The following MACF1 variants were observed in gnomAD, a reference collection of about 807,000 sequenced individuals.
MACF1 encodes the protein microtubule actin crosslinking factor 1.
Under a neutral mutation model 854.8 loss-of-function variants are expected in MACF1, and 193 were observed. The observed-to-expected ratio is 0.23, with a 90% confidence interval of 0.20 to 0.25. The LOEUF (loss-of-function observed/expected upper bound fraction) is 0.25, where lower values mean the gene tolerates loss of function less well. Ranked by LOEUF, MACF1 falls within the 10% of genes least tolerant of loss-of-function variation. The pLI is 1.00. For missense variants in MACF1, 7,722 were observed against 8,929.1 expected (o/e 0.86, Z 5.45); for synonymous variants, 3,185 against 3,226.7 (o/e 0.99, Z 0.44).
In MACF1 at chr1:39,435,743, C is replaced by G; in HGVS notation, c.17970C>G (p.Ala5990=). 1 of 1,614,082 alleles carries G rather than the reference C, an allele frequency of 6.2e-7. No homozygotes were observed. The highest frequency in any genetic ancestry group is 8.5e-7 in the Non-Finnish European group (1 of 1,179,974). The change falls in exon 70 of 101, where the codon GCC becomes GCG. Residue 5990 remains alanine (A), a synonymous_variant. Coordinates refer to ENST00000564288, the MANE Select transcript of MACF1 (RefSeq NM_001394062.1). Reference sequence around the variant, plus strand: ...AGCGAGCCCTGGCTCTGGATGAAGCCGTGTCCCAGTCCACACAGGTATGTG... The same window carrying G: ...AGCGAGCCCTGGCTCTGGATGAAGCGGTGTCCCAGTCCACACAGGTATGTG... The part of the protein sequence containing the change: ...VRQRALALDE[A]VSQSTQFHDK...
At position 39,479,931 on chromosome 1, in the gene MACF1, C is replaced by T. The variant is rs753479007; in HGVS notation, c.22092C>T (p.Ser7364=). The change falls in exon 98 of 101, where the codon TCC becomes TCT. Residue 7364 remains serine, a synonymous_variant. Coordinates refer to ENST00000564288, the MANE Select transcript of MACF1 (RefSeq NM_001394062.1). ...CCCGGGCAGCTTCCCCTACTCGTTC[C>T]AGCTCCAGTGCTAGTCAGAGTAACC... ...PSSRAASPTR[S]SSSASQSNHS... 1 of 1,614,204 alleles carries T rather than the reference C, an allele frequency of 6.2e-7. No individual in the cohort carries two copies. The highest frequency in any genetic ancestry group is 1.7e-5 in the Admixed American group (1 of 60,022).
At chr1:39,187,479 C>G (rs1197968296) in intron 2 of MACF1, among the ~76,000 whole-genome samples, 1 of 152,118 alleles carries the variant, frequency 6.6e-6, no homozygotes, top group Non-Finnish European at 1.5e-5. Flanking sequence ...CGGGGAAATT[C>G]CCTCACCTGT....
In MACF1 at chr1:39,451,227, G is replaced by C; in HGVS notation, c.20418+16G>C. On this transcript the variant is annotated intron_variant, in intron 85 of 100. Coordinates refer to ENST00000564288, the MANE Select transcript of MACF1 (RefSeq NM_001394062.1). ...TGCACACAAGGTAGGGGTGAGGTCT[G>C]GGCTACATTGGAGTGCAGTGGGTCT... is the stretch of plus-strand genomic sequence containing the variant. 3.7e-6 allele frequency: 6 copies of C among 1,610,232 alleles called. No homozygotes were observed. The highest frequency in any genetic ancestry group is 5.1e-6 in the Non-Finnish European group (6 of 1,178,162).
At chr1:39,338,778 G>A (rs1035196997) in intron 38 of MACF1, among the ~76,000 whole-genome samples, 4 of 152,172 alleles carry the variant, frequency 2.6e-5, no homozygotes, top group African/African-American at 9.7e-5. Flanking sequence ...GCCCAAGGGG[G>A]AAGACCTAAT....
chr1:39,484,580 C>G (rs1330726752), intron 99 of MACF1, 21 bp from the exon 100 acceptor site: 4 of 1,602,172 alleles, frequency 2.5e-6, no homozygotes, highest in Non-Finnish European at 3.4e-6. Flanking sequence ...AAAATGTGAC[C>G]TTTTTATTAT....
At chr1:39,256,446 A>AT (rs2148340375) in intron 5 of MACF1, among the ~76,000 whole-genome samples, 1 of 152,292 alleles carries the variant, frequency 6.6e-6, no homozygotes, top group South Asian at 2.1e-4. Flanking sequence ...GATGAATGTC[A>AT]TTGTAAGGGA....
chr1:39,277,568 T>C (rs913859287), intron 6 of MACF1, among the ~76,000 whole-genome samples: 1 of 152,216 alleles, frequency 6.6e-6, no homozygotes, highest in African/African-American at 2.4e-5. Flanking sequence ...GATAATCATA[T>C]GTTAGTTATG....
At chr1:39,171,872 C>A (rs1179936280) in intron 2 of MACF1, among the ~76,000 whole-genome samples, 1 of 151,888 alleles carries the variant, frequency 6.6e-6, no homozygotes, top group East Asian at 1.9e-4. Flanking sequence ...GTGATCCGCC[C>A]GCCTCAGCCT....
chr1:39,476,483 A>G (rs1351992190), intron 97 of MACF1, among the ~76,000 whole-genome samples: 1 of 152,044 alleles, frequency 6.6e-6, no homozygotes, highest in East Asian at 1.9e-4. Context: ...AGGCAGAAGA[A>G]TCACTTGAAC....
At chr1:39,179,357 G>A (rs1303660734) in intron 2 of MACF1, among the ~76,000 whole-genome samples, 1 of 152,120 alleles carries the variant, frequency 6.6e-6, no homozygotes, top group Non-Finnish European at 1.5e-5. Flanking sequence ...ACCATACATG[G>A]GAGAGTCAGG....
chr1:39,343,540 A>G (rs1369289639), intron 40 of MACF1, among the ~76,000 whole-genome samples: 1 of 152,260 alleles, frequency 6.6e-6, no homozygotes, highest in Non-Finnish European at 1.5e-5. Flanking sequence ...ATAAAAACAT[A>G]GAGACATAGA....
At chr1:39,197,385 T>C (rs1644333139) in intron 2 of MACF1, among the ~76,000 whole-genome samples, 1 of 152,194 alleles carries the variant, frequency 6.6e-6, no homozygotes, top group African/African-American at 2.4e-5. Context: ...AAATGTAGGT[T>C]CAGAACATAT....
intron 1 of MACF1, among the ~76,000 whole-genome samples, chr1:39,219,046 G>C (rs956787307): frequency 2.0e-5 from 3 of 152,178 alleles, no homozygotes; most frequent in Non-Finnish European, 4.4e-5. Context: ...CTCCCAAAGT[G>C]CTGGGATTAC....
Position 39,302,801 on chromosome 1 carries a change from A to G in MACF1, c.2635-123A>G, listed in dbSNP as rs894632351. On this transcript the variant is annotated intron_variant, in intron 22 of 100. Coordinates refer to ENST00000564288, the MANE Select transcript of MACF1 (RefSeq NM_001394062.1). ...AAAAATCAGAAGCCCTCACTAAGTG[A>G]TAGCAGATCTTTTCTTAAGCAGATT... 12 of 871,482 alleles carry G rather than the reference A, an allele frequency of 1.4e-5. No individual in the cohort carries two copies. In the South Asian group the frequency reaches 1.9e-4, roughly 14 times the overall value. 54.0% of individuals were successfully genotyped at this position (871,482 alleles called of 1,614,324 possible).
intron 45 of MACF1, 131 bp from the exon 46 acceptor site, chr1:39,358,566 G>T: frequency 1.3e-6 from 1 of 780,138 alleles, no homozygotes. Flanking sequence ...ATCTATCCAT[G>T]GGTTCTGGCA....
At chr1:39,336,715 T>G in intron 37 of MACF1, 62 bp downstream of exon 37, 1 of 1,444,020 alleles carries the variant, frequency 6.9e-7, no homozygotes, top group Non-Finnish European at 9.2e-7. Flanking sequence ...GCTAAAATTC[T>G]TAACTGGGTA....
chr1:39,419,798 A>AGTGTGTGTGTGTGTGT lies in MACF1; in HGVS notation c.15817-2547_15817-2532dup, dbSNP rs3080664. Among the ~76,000 whole-genome samples the AGTGTGTGTGTGTGTGT allele has an allele frequency of 5.7e-4, 75 of 131,054 alleles. 1 individual carries two copies. Among genetic ancestry groups the AGTGTGTGTGTGTGTGT allele is most frequent in the East Asian group, 3.7e-3 (16 of 4,306 alleles). The allele number at this position is 131,054 out of a possible 152,430, so 86.0% of individuals were successfully genotyped here. A position where few individuals can be genotyped will look rare whatever the true frequency, so the allele number is the denominator to read the frequency against. Reference sequence around the variant, plus strand: ...CAGGCGTGCGCCACCATGCCTGGCTAGTGTGTGTGTGTGTGTGTGTGTGTG... The same window carrying AGTGTGTGTGTGTGTGT: ...CAGGCGTGCGCCACCATGCCTGGCTAGTGTGTGTGTGTGTGTGTGTGTGTGTGTGTGTGTGTGTGTG... On this transcript the variant is annotated intron_variant, in intron 58 of 100. Transcript: ENST00000564288.
chr1:39,273,506 T>C (rs1185182550), intron 6 of MACF1, among the ~76,000 whole-genome samples: 20 of 152,204 alleles, frequency 1.3e-4, no homozygotes, highest in Admixed American at 1.3e-3. Flanking sequence ...ACTGGCTTTG[T>C]ACTGAAAGAA....
chr1:39,228,025 T>C (rs1157810882), intron 1 of MACF1, among the ~76,000 whole-genome samples: 1 of 152,162 alleles, frequency 6.6e-6, no homozygotes, highest in East Asian at 1.9e-4. Context: ...GTTTCTCTTA[T>C]TTAAAGAATA....
Sources: gnomAD v4.1 joint callset for allele counts (sites outside exome capture counted in the v4.1 genomes callset) on GRCh38, gnomAD v4.1.1 for gene constraint, MANE v1.5 for transcripts, NCBI Gene and HGNC (gene_info 2026-07-23, HGNC 2026-07-21) for gene names.